Variants in CTIF observed in about 807,000 individuals in gnomAD.
CTIF encodes the protein cap binding complex dependent translation initiation factor.
CTIF carries 21 observed loss-of-function variants against 66.0 expected under a neutral mutation model. The ratio of observed to expected loss-of-function variants is 0.32; its 90% CI spans 0.23 to 0.46. The LOEUF (loss-of-function observed/expected upper bound fraction) is 0.46. Ranked by LOEUF, CTIF falls within the 20% of genes least tolerant of loss-of-function variation. The pLI, the probability that CTIF is intolerant of heterozygous loss-of-function variation, is 1.00. For synonymous variants in CTIF, 345 were observed against 326.4 expected (o/e 1.06, Z -0.62); for missense variants, 739 against 812.7 (o/e 0.91, Z 1.10).
rs2067801331 is a variant in CTIF, at chr18:48,791,901, C to A, written c.1372-25320C>A. Reference sequence around the variant, plus strand: ...TTGGGTCTGTTCCTGTCTCTCTAACCAAACTTTAGGCAACTTTGTTCATTC... The same window carrying A: ...TTGGGTCTGTTCCTGTCTCTCTAACAAAACTTTAGGCAACTTTGTTCATTC... On this transcript the variant is annotated intron_variant, in intron 9 of 11. Coordinates refer to ENST00000256413, the MANE Select transcript of CTIF (RefSeq NM_014772.3). Among the ~76,000 whole-genome samples the A allele has an allele frequency of 2.6e-5, 4 of 152,258 alleles. No homozygotes were observed. In the South Asian group the frequency reaches 6.2e-4, roughly 24 times the overall value.
At chr18:48,838,509 G>A (rs138322953) in intron 10 of CTIF, among the ~76,000 whole-genome samples, 14 of 152,246 alleles carry the variant, frequency 9.2e-5, no homozygotes, top group Middle Eastern at 3.4e-3. Context: ...CCCCTGAAAC[G>A]AGTCCCCTTT....
chr18:48,694,094 C>T (rs144928288), intron 6 of CTIF, among the ~76,000 whole-genome samples: 1 of 152,360 alleles, frequency 6.6e-6, no homozygotes, highest in Non-Finnish European at 1.5e-5. Flanking sequence ...CCTCACTCAG[C>T]TGTTGGGGTG....
rs558330075 is a variant in CTIF at position 48,680,258 on chromosome 18, T to G, written c.507+9514T>G. On this transcript the variant is annotated intron_variant, in intron 6 of 11. Coordinates refer to ENST00000256413, the MANE Select transcript of CTIF (RefSeq NM_014772.3). ...GAGGTCATCTGTCCATGCCCTACTT[T>G]GGGCCAGACCATATCCAGAATCCCT... is the stretch of plus-strand genomic sequence containing the variant. Among the ~76,000 whole-genome samples, 4 of 152,384 alleles carry G rather than the reference T, an allele frequency of 2.6e-5. No homozygotes were observed. The East Asian group carries it at 7.7e-4, about 29-fold the overall frequency.
At chr18:48,822,452 T>C (rs749530205) in intron 10 of CTIF, among the ~76,000 whole-genome samples, 17 of 152,210 alleles carry the variant, frequency 1.1e-4, no homozygotes, top group Admixed American at 2.0e-4. Flanking sequence ...TCCATCTAAC[T>C]GTATGTTTGT....
rs1189331249 is a variant in CTIF at position 48,761,972 on chromosome 18, G to C, written c.1371+283G>C. 6.6e-6 allele frequency among the ~76,000 whole-genome samples: 1 copy of C among 152,194 alleles called. No individual in the cohort carries two copies. The highest frequency in any genetic ancestry group is 2.4e-5 in the African/African-American group (1 of 41,436). ...TTCCCACTTTCTATTTTCATAAGAGGCTGGCTCTTGGTCTCAACCTGGCTA... is the reference window on the plus strand; with the variant it reads ...TTCCCACTTTCTATTTTCATAAGAGCCTGGCTCTTGGTCTCAACCTGGCTA... On this transcript the variant is annotated intron_variant, in intron 9 of 11. Coordinates refer to ENST00000256413, the MANE Select transcript of CTIF (RefSeq NM_014772.3). This position sits in a 1 kb window ranked among gnomAD's most constrained non-coding sequence, Gnocchi z 4.2.
chr18:48,575,157 G>A lies in CTIF; in HGVS notation c.-29+35845G>A, dbSNP rs371183451. Among the ~76,000 whole-genome samples the A allele has an allele frequency of 8.5e-5, 13 of 152,236 alleles. No individual in the cohort carries two copies. In the East Asian group the frequency reaches 1.5e-3, roughly 18 times the overall value. On this transcript the variant is annotated intron_variant, in intron 1 of 11. Coordinates refer to ENST00000256413, the MANE Select transcript of CTIF (RefSeq NM_014772.3). ...TTTTGAGGTGGCCAAGCAGGCCGCC[G>A]TCAGGTCAGCACGTAGGCCTTGAGT...
intron 7 of CTIF, among the ~76,000 whole-genome samples, chr18:48,716,099 CCTGAATGTGTATCACAGCA>C (rs2092279225): frequency 6.9e-6 from 1 of 144,980 alleles, no homozygotes; most frequent in South Asian, 2.1e-4. Flanking sequence ...GTGCCCCGCT[CCTGAATGTGTATCACAGCA>C]GACACTGCAG....
chr18:48,759,112 T>C (rs1908703637), intron 8 of CTIF, among the ~76,000 whole-genome samples: 1 of 152,046 alleles, frequency 6.6e-6, no homozygotes, highest in African/African-American at 2.4e-5. Context: ...ACCCTAAACC[T>C]CCAGAAGAGG....
At chr18:48,743,101 C>T (rs971252322) in intron 7 of CTIF, among the ~76,000 whole-genome samples, 1 of 152,194 alleles carries the variant, frequency 6.6e-6, no homozygotes, top group Non-Finnish European at 1.5e-5. Context: ...ATGAGGAACA[C>T]GTAAGTGGTA....
At chr18:48,658,045 C>A (rs35268500) in intron 3 of CTIF, among the ~76,000 whole-genome samples, 10,919 of 152,234 alleles carry the variant, frequency 0.072, 441 homozygotes, top group South Asian at 0.097. Flanking sequence ...GGTCTGCCTG[C>A]AGGCACCTGC....
rs146496864 is a variant in CTIF at position 48,764,897 on chromosome 18, C to T, written c.1371+3208C>T. On this transcript the variant is annotated intron_variant, in intron 9 of 11. Coordinates refer to ENST00000256413, the MANE Select transcript of CTIF (RefSeq NM_014772.3). Reference sequence around the variant, plus strand: ...GGCCCTTTCAGCTGCCATGGGAAGGCGGGTGGACTGTGCTGGTGCGGGGCT... The same window carrying T: ...GGCCCTTTCAGCTGCCATGGGAAGGTGGGTGGACTGTGCTGGTGCGGGGCT... Among the ~76,000 whole-genome samples, 1,306 of 152,300 alleles carry T rather than the reference C, an allele frequency of 8.6e-3. 8 individuals are homozygous for T. The highest frequency in any genetic ancestry group is 0.014 in the South Asian group (67 of 4,826).
chr18:48,772,244 C>T (rs114958493), intron 9 of CTIF, among the ~76,000 whole-genome samples: 1,884 of 152,292 alleles, frequency 0.012, 44 homozygotes, highest in African/African-American at 0.043. Flanking sequence ...GGAGTGGCCA[C>T]AGAGGAGGAA....
At chr18:48,626,391 G>A (rs913643030) in intron 2 of CTIF, among the ~76,000 whole-genome samples, 9 of 151,018 alleles carry the variant, frequency 6.0e-5, no homozygotes, top group Non-Finnish European at 1.2e-4. Flanking sequence ...ACTATCGCCC[G>A]GGCTAGATTG....
chr18:48,551,602 C>A (rs1376218059), intron 1 of CTIF, among the ~76,000 whole-genome samples: 1 of 152,118 alleles, frequency 6.6e-6, no homozygotes, highest in Non-Finnish European at 1.5e-5. Context: ...AGTTGTTATT[C>A]TTCTCTTTTG....
rs952965041 is a variant in CTIF, at chr18:48,761,336, G to C, written c.1072-54G>C. ...ACCCTCTTTCCACCAGGCCACCCCT[G>C]CACAGAGACCTCGGCTTCACTCAGG... On this transcript the variant is annotated intron_variant, in intron 8 of 11. Coordinates refer to ENST00000256413, the MANE Select transcript of CTIF (RefSeq NM_014772.3). This position sits in a 1 kb window ranked among gnomAD's most constrained non-coding sequence, Gnocchi z 4.2. The C allele has an allele frequency of 1.2e-5, 19 of 1,570,004 alleles. No homozygotes were observed. In the Admixed American group the frequency reaches 2.9e-4, roughly 24 times the overall value.
chr18:48,570,113 G>C (rs529319709), intron 1 of CTIF, among the ~76,000 whole-genome samples: 1 of 152,314 alleles, frequency 6.6e-6, no homozygotes, highest in East Asian at 1.9e-4. Context: ...GAGTGGAAGA[G>C]CAGAGATCCA....
At chr18:48,722,882 G>T (rs1240877709) in intron 7 of CTIF, among the ~76,000 whole-genome samples, 3 of 152,204 alleles carry the variant, frequency 2.0e-5, no homozygotes, top group Non-Finnish European at 4.4e-5. Flanking sequence ...GGTTCTGAGG[G>T]TCTTTTTCGC....
chr18:48,558,372 C>T (rs181083902), intron 1 of CTIF, among the ~76,000 whole-genome samples: 3 of 152,270 alleles, frequency 2.0e-5, no homozygotes, highest in Admixed American at 6.5e-5. Flanking sequence ...AGTTGGTACA[C>T]GGGTATGACA....
At chr18:48,763,422 G>A (rs1290197705) in intron 9 of CTIF, among the ~76,000 whole-genome samples, 1 of 152,236 alleles carries the variant, frequency 6.6e-6, no homozygotes, top group African/African-American at 2.4e-5. Context: ...CAGCCACAAA[G>A]GGGGCCCTAT....
Sources: gnomAD v4.1 joint callset for allele counts (sites outside exome capture counted in the v4.1 genomes callset) on GRCh38, gnomAD v4.1.1 for gene constraint, Gnocchi (gnomAD v3.1) non-coding constraint, MANE v1.5 for transcripts, NCBI Gene and HGNC (gene_info 2026-07-23, HGNC 2026-07-21) for gene names.